The following GPAM variants were observed in gnomAD, a reference collection of about 807,000 sequenced individuals.
The protein encoded by GPAM is glycerol-3-phosphate acyltransferase, mitochondrial, also known as glycerol-3-phosphate acyltransferase 1, mitochondrial.
Under a neutral mutation model 105.0 loss-of-function variants are expected in GPAM, and 56 were observed. That is an observed-to-expected ratio of 0.53 (90% CI 0.43 to 0.67). The LOEUF (loss-of-function observed/expected upper bound fraction) is 0.67, where lower values mean the gene tolerates loss of function less well. Ranked by LOEUF, GPAM falls within the 30% of genes least tolerant of loss-of-function variation. The probability of loss-of-function intolerance (pLI) is 0.00; values close to 1 mark genes in which losing one functional copy is unlikely to be tolerated. For synonymous variants in GPAM, 368 were observed against 354.4 expected (o/e 1.04, Z -0.43); for missense variants, 855 against 989.8 (o/e 0.86, Z 1.83).
the GPAM span, among the ~76,000 whole-genome samples, chr10:112,226,921 C>T: frequency 6.6e-6 from 1 of 151,942 alleles, no homozygotes; most frequent in Admixed American, 6.6e-5. Flanking sequence ...GGCAGACTTC[C>T]ACCCTTTAGC....
intron 1 of GPAM, among the ~76,000 whole-genome samples, chr10:112,213,772 A>C (rs1847939223): frequency 6.6e-6 from 1 of 152,220 alleles, no homozygotes; most frequent in Non-Finnish European, 1.5e-5. Flanking sequence ...TGGTGGGTCC[A>C]GAAAACTGAA....
At chr10:112,169,919 G>A (rs1313309709) in intron 9 of GPAM, among the ~76,000 whole-genome samples, 1 of 152,208 alleles carries the variant, frequency 6.6e-6, no homozygotes, top group Admixed American at 6.5e-5. Context: ...ATCTGCCCAT[G>A]AGGGATCTAG....
At chr10:112,159,822 C>G (rs748056567) in intron 17 of GPAM, 89 bp downstream of exon 17, 38 of 1,279,306 alleles carry the variant, frequency 3.0e-5, no homozygotes, top group African/African-American at 1.6e-4. Context: ...ATGGGTCAAA[C>G]ATTATCTAAC....
intron 1 of GPAM, among the ~76,000 whole-genome samples, chr10:112,213,504 TGA>T (rs1399300468): frequency 1.3e-5 from 2 of 152,238 alleles, no homozygotes; most frequent in South Asian, 4.2e-4. Flanking sequence ...GGGTCCTGGC[TGA>T]GAGTTATAAA....
At chr10:112,213,786 G>C (rs192084306) in intron 1 of GPAM, among the ~76,000 whole-genome samples, 3 of 152,198 alleles carry the variant, frequency 2.0e-5, no homozygotes, top group Non-Finnish European at 2.9e-5. Context: ...AACTGAAAGA[G>C]TGTTTCTGTG....
intron 21 of GPAM, 149 bp downstream of exon 21, chr10:112,154,480 T>C: frequency 5.9e-6 from 4 of 680,710 alleles, no homozygotes; most frequent in African/African-American, 1.8e-5. Context: ...CCATCCTACA[T>C]GCCCCGTTCC....
chr10:112,151,743 G>GA lies in GPAM; in HGVS notation c.*1806dup, dbSNP rs1846923805. On this transcript the variant is annotated 3_prime_UTR_variant, in exon 22 of 22. Coordinates refer to ENST00000348367, the MANE Select transcript of GPAM (RefSeq NM_001244949.2). ...ATCCTTAATTTACAATTTAAAGGATGAAAAAAAGAGACTAGTGAAATGTTT... is the reference window on the plus strand; with the variant it reads ...ATCCTTAATTTACAATTTAAAGGATGAAAAAAAAGAGACTAGTGAAATGTTT... 5.1e-6 allele frequency: 5 copies of GA among 984,858 alleles called. No homozygotes were observed. Among genetic ancestry groups the GA allele is most frequent in the South Asian group, 4.7e-5 (1 of 21,280 alleles). 61.0% of individuals were successfully genotyped at this position (984,858 alleles called of 1,614,324 possible).
chr10:112,157,461 A>G (rs748900576), intron 18 of GPAM, 72 bp from the exon 19 acceptor site: 27 of 1,398,578 alleles, frequency 1.9e-5, no homozygotes, highest in Middle Eastern at 1.8e-4. Context: ...TGGAGCCAGG[A>G]CAAGGCAGTC....
intron 20 of GPAM, chr10:112,155,179 T>C (rs1846993964): frequency 5.4e-6 from 1 of 183,542 alleles, no homozygotes; most frequent in Non-Finnish European, 1.1e-5. Flanking sequence ...TTTCCTCAAC[T>C]ATAAAATGAG....
intron 1 of GPAM, among the ~76,000 whole-genome samples, chr10:112,201,963 A>T (rs1201791903): frequency 6.6e-6 from 1 of 152,254 alleles, no homozygotes; most frequent in Admixed American, 6.5e-5. Flanking sequence ...ATTAACTTGC[A>T]CAACAGCCCT....
intron 16 of GPAM, 124 bp downstream of exon 16, chr10:112,160,480 A>C (rs1847102249): frequency 8.1e-7 from 1 of 1,232,062 alleles, no homozygotes; most frequent in Non-Finnish European, 1.1e-6. Flanking sequence ...TTTGAAAACT[A>C]AAATTATAGC....
rs757201433 is a variant in GPAM at position 112,166,527 on chromosome 10, T to C, written c.1108-12A>G. ...TTCTTAGGTTTGCCCTAAATTCCAATAGTGAGAATAACATGGTGAGAAATA... is the reference window on the plus strand; with the variant it reads ...TTCTTAGGTTTGCCCTAAATTCCAACAGTGAGAATAACATGGTGAGAAATA... On this transcript the variant is annotated splice_polypyrimidine_tract_variant and intron_variant, in intron 11 of 21. Transcript: ENST00000348367. 7.2e-6 allele frequency: 10 copies of C among 1,387,246 alleles called. 1 individual carries two copies. In the South Asian group the frequency reaches 1.0e-4, roughly 14 times the overall value. The allele number at this position is 1,387,246 out of a possible 1,614,324, so 85.9% of individuals were successfully genotyped here.
upstream of GPAM, among the ~76,000 whole-genome samples, chr10:112,186,039 C>A (rs1847592446): frequency 6.6e-6 from 1 of 151,932 alleles, no homozygotes; most frequent in African/African-American, 2.4e-5. Context: ...AAAAGCTCAA[C>A]AAACTCAGTA....
chr10:112,225,246 C>T, the GPAM span, among the ~76,000 whole-genome samples: 1 of 152,204 alleles, frequency 6.6e-6, no homozygotes, highest in South Asian at 2.1e-4. Flanking sequence ...GCCCACAATT[C>T]CAAAATCCCA....
Position 112,182,883 on chromosome 10 carries a change from C to T in GPAM, c.-119G>A, listed in dbSNP as rs1487077514. ...CAGAATGTCCATACAACAGGGGAGC[C>T]GCTGCTGCCTGAGAAAATGAAGTGA... On this transcript the variant is annotated 5_prime_UTR_variant, in exon 2 of 22. Transcript: ENST00000348367. 2 of 152,194 alleles carry T rather than the reference C, an allele frequency of 1.3e-5. No individual in the cohort carries two copies. Among genetic ancestry groups the T allele is most frequent in the Non-Finnish European group, 2.9e-5 (2 of 68,040 alleles). 9.4% of individuals were successfully genotyped at this position (152,194 alleles called of 1,614,324 possible). A position where few individuals can be genotyped will look rare whatever the true frequency, so the allele number is the denominator to read the frequency against.
chr10:112,196,319 T>C (rs1847723739), intron 1 of GPAM, among the ~76,000 whole-genome samples: 1 of 152,238 alleles, frequency 6.6e-6, no homozygotes, highest in Non-Finnish European at 1.5e-5. Flanking sequence ...TCATTAAGTA[T>C]AATCGGAAGG....
chr10:112,201,593 G>A (rs111977939), intron 1 of GPAM, among the ~76,000 whole-genome samples: 5 of 152,312 alleles, frequency 3.3e-5, no homozygotes, highest in South Asian at 2.1e-4. Flanking sequence ...CATTCCTTCT[G>A]CAGACATTTG....
At chr10:112,198,364 A>G (rs1294610528) in intron 1 of GPAM, among the ~76,000 whole-genome samples, 1 of 152,228 alleles carries the variant, frequency 6.6e-6, no homozygotes, top group Non-Finnish European at 1.5e-5. Flanking sequence ...ATAAACGTGC[A>G]TAGTTTTCCT....
At chr10:112,198,365 T>C (rs72836654) in intron 1 of GPAM, among the ~76,000 whole-genome samples, 3 of 152,356 alleles carry the variant, frequency 2.0e-5, no homozygotes, top group South Asian at 2.1e-4. Flanking sequence ...TAAACGTGCA[T>C]AGTTTTCCTT....
Sources: gnomAD v4.1 joint callset for allele counts (sites outside exome capture counted in the v4.1 genomes callset) on GRCh38, gnomAD v4.1.1 for gene constraint, MANE v1.5 for transcripts, NCBI Gene and HGNC (gene_info 2026-07-23, HGNC 2026-07-21) for gene names.